The following LRIF1 variants were observed in gnomAD, a reference collection of about 807,000 sequenced individuals.
LRIF1 encodes ligand-dependent nuclear receptor-interacting factor 1.
A neutral mutation model predicts 52.7 loss-of-function variants in LRIF1; 32 were observed. That is an observed-to-expected ratio of 0.61 (90% CI 0.46 to 0.82). LRIF1 has a LOEUF of 0.82. Among genes scored for constraint, LRIF1 ranks in the 40% least tolerant of loss-of-function variants. LRIF1 has a pLI of 0.00. For missense variants in LRIF1, 887 were observed against 892.0 expected (o/e 0.99, Z 0.07); for synonymous variants, 323 against 317.4 (o/e 1.02, Z -0.19).
rs1348455010 is a variant in LRIF1 at position 110,949,898 on chromosome 1, T to C, written c.1822A>G (p.Thr608Ala). 6.2e-7 allele frequency: 1 copy of C among 1,614,158 alleles called. No homozygotes were observed. Among genetic ancestry groups the C allele is most frequent in the Admixed American group, 1.7e-5 (1 of 60,024 alleles). The stretch of plus-strand genomic sequence containing the variant: ...ACCATAAACTCTGTCTCTTTGTAAG[T>C]ACCACTCTTTACCAAACTGCTAAAG... Reference protein sequence around the residue: ...DSFSSLVKSGTYKETEFMVKE... With the variant: ...DSFSSLVKSGAYKETEFMVKE... Residue 608 changes from threonine to alanine, a missense_variant, in exon 3 of 4, where the codon ACT becomes GCT. Thr to Ala is a moderately conservative substitution (Grantham distance 58). Coordinates refer to ENST00000369763, the MANE Select transcript of LRIF1 (RefSeq NM_018372.4).
chr1:110,881,093 G>A, the LRIF1 span, among the ~76,000 whole-genome samples: 2 of 152,212 alleles, frequency 1.3e-5, no homozygotes, highest in Non-Finnish European at 2.9e-5. Flanking sequence ...GTGGAGTGAT[G>A]GACAGGAGCA....
At chr1:110,939,757 A>G in the LRIF1 span, 1 of 152,246 alleles carries the variant, frequency 6.6e-6, no homozygotes, top group Non-Finnish European at 1.5e-5. Flanking sequence ...TTCAGTAAAT[A>G]GTTCTGGGAA....
At chr1:110,938,365 T>G in the LRIF1 span, 1 of 152,274 alleles carries the variant, frequency 6.6e-6, no homozygotes, top group African/African-American at 2.4e-5. Context: ...TCATCATGAC[T>G]AAGTGGGATT....
chr1:110,909,309 AC>A, the LRIF1 span, among the ~76,000 whole-genome samples: 2 of 152,324 alleles, frequency 1.3e-5, no homozygotes, highest in South Asian at 4.1e-4. Context: ...TTATAAAGGA[AC>A]TATACAATCA....
the LRIF1 span, among the ~76,000 whole-genome samples, chr1:110,910,063 G>A: frequency 6.6e-6 from 1 of 152,050 alleles, no homozygotes; most frequent in African/African-American, 2.4e-5. Context: ...AAGAGACTTA[G>A]ATAACCACAC....
the LRIF1 span, among the ~76,000 whole-genome samples, chr1:110,901,910 CT>C: frequency 6.6e-6 from 1 of 152,182 alleles, no homozygotes; most frequent in East Asian, 1.9e-4. Context: ...CATCACCCAC[CT>C]AGTTTTCCTA....
intron 1 of LRIF1, among the ~76,000 whole-genome samples, chr1:110,959,001 C>T (rs1364355930): frequency 6.6e-6 from 1 of 152,136 alleles, no homozygotes; most frequent in African/African-American, 2.4e-5. Context: ...AGGAGCCTTC[C>T]ATTGAAGAGA....
At chr1:110,962,061 TACAC>T (rs59351644) in intron 1 of LRIF1, among the ~76,000 whole-genome samples, 350 of 143,884 alleles carry the variant, frequency 2.4e-3, no homozygotes, top group Non-Finnish European at 3.0e-3. Context: ...GAGTTAAGGG[TACAC>T]ACACACACAC....
At chr1:110,955,701 G>A (rs1658667144) in intron 1 of LRIF1, among the ~76,000 whole-genome samples, 1 of 152,204 alleles carries the variant, frequency 6.6e-6, no homozygotes, top group Non-Finnish European at 1.5e-5. Flanking sequence ...TATGAAGCAA[G>A]TAGACAACTC....
the LRIF1 span, chr1:110,942,016 A>G: frequency 3.3e-5 from 5 of 151,968 alleles, no homozygotes; most frequent in South Asian, 6.2e-4. Flanking sequence ...TTGACAGTCC[A>G]TCTTGGAAAT....
chr1:110,951,014 C>A (rs1172512370), intron 2 of LRIF1, among the ~76,000 whole-genome samples: 2 of 152,104 alleles, frequency 1.3e-5, no homozygotes. Flanking sequence ...CTCTTCTAAA[C>A]CTTTTTGCTC....
At chr1:110,916,337 AGAT>A in the LRIF1 span, among the ~76,000 whole-genome samples, 1 of 152,214 alleles carries the variant, frequency 6.6e-6, no homozygotes, top group South Asian at 2.1e-4. Context: ...GCTGGAAAGA[AGAT>A]GAACATATTG....
At chr1:110,916,148 CCAG>C in the LRIF1 span, among the ~76,000 whole-genome samples, 2 of 152,052 alleles carry the variant, frequency 1.3e-5, no homozygotes, top group Non-Finnish European at 1.5e-5. Flanking sequence ...GAAAGTGATC[CCAG>C]ATGAAAAGTC....
chr1:110,952,242 G>A lies in LRIF1; in HGVS notation c.642C>T (p.Thr214=), dbSNP rs1486203085. ...SVQQKILATA[T]TSTSGMVEAS... ...CCTCAACCATTCCTGAGGTACTGGT[G>A]GTGGCAGTTGCAAGTATCTTTTGCT... Residue 214 remains threonine (T), a synonymous_variant, in exon 2 of 4, where the codon ACC becomes ACT. Transcript: ENST00000369763. The A allele has an allele frequency of 6.2e-7, 1 of 1,614,176 alleles. No homozygotes were observed. The highest frequency in any genetic ancestry group is 8.5e-7 in the Non-Finnish European group (1 of 1,180,020).
the LRIF1 span, among the ~76,000 whole-genome samples, chr1:110,887,099 T>C: frequency 6.6e-6 from 1 of 151,170 alleles, no homozygotes; most frequent in African/African-American, 2.4e-5. Flanking sequence ...AGTCTCGCTC[T>C]GTCACCCAGG....
intron 2 of LRIF1, among the ~76,000 whole-genome samples, chr1:110,950,926 C>T (rs1447746971): frequency 6.6e-6 from 1 of 152,064 alleles, no homozygotes; most frequent in East Asian, 1.9e-4. Context: ...TATATATGAA[C>T]ATACATATAT....
the LRIF1 span, among the ~76,000 whole-genome samples, chr1:110,912,580 T>G: frequency 6.6e-6 from 1 of 152,156 alleles, no homozygotes; most frequent in African/African-American, 2.4e-5. Context: ...CCATTCATGA[T>G]AGCCACAATA....
chr1:110,933,030 A>C, the LRIF1 span, among the ~76,000 whole-genome samples: 5 of 152,182 alleles, frequency 3.3e-5, no homozygotes, highest in Admixed American at 3.3e-4. Flanking sequence ...GAGGTCAAAT[A>C]CTATTTATTT....
the LRIF1 span, among the ~76,000 whole-genome samples, chr1:110,925,880 A>T: frequency 6.6e-6 from 1 of 152,144 alleles, no homozygotes; most frequent in Non-Finnish European, 1.5e-5. Context: ...GCTAACAATA[A>T]TCAGGTAGAA....
Sources: gnomAD v4.1 joint callset for allele counts (sites outside exome capture counted in the v4.1 genomes callset) on GRCh38, gnomAD v4.1.1 for gene constraint, MANE v1.5 for transcripts, NCBI Gene and HGNC (gene_info 2026-07-23, HGNC 2026-07-21) for gene names.